Variants in EGFLAM observed in about 807,000 individuals in gnomAD.
The protein encoded by EGFLAM is pikachurin.
In EGFLAM, 79 loss-of-function variants were observed where a neutral mutation model predicts 113.1. The ratio of observed to expected loss-of-function variants is 0.70; its 90% CI spans 0.58 to 0.84. The LOEUF (loss-of-function observed/expected upper bound fraction) is 0.84. Ranked by LOEUF, EGFLAM falls within the 40% of genes least tolerant of loss-of-function variation. EGFLAM has a pLI of 0.00. For missense variants in EGFLAM, 1,265 were observed against 1,291.6 expected (o/e 0.98, Z 0.32); for synonymous variants, 504 against 487.6 (o/e 1.03, Z -0.44).
intron 3 of EGFLAM, among the ~76,000 whole-genome samples, chr5:38,347,847 A>C (rs560990157): frequency 6.6e-6 from 1 of 152,180 alleles, no homozygotes; most frequent in Non-Finnish European, 1.5e-5. Flanking sequence ...CAGGCAGTGC[A>C]GCATTGGTGG....
chr5:38,440,694 T>C (rs550397070), intron 17 of EGFLAM, among the ~76,000 whole-genome samples: 169 of 152,322 alleles, frequency 1.1e-3, no homozygotes, highest in African/African-American at 3.9e-3. Flanking sequence ...TTGGGGTTTT[T>C]TTCTGCCTCA....
At position 38,337,461 on chromosome 5, in the gene EGFLAM, A is replaced by C. The variant is rs1178327865; in HGVS notation, c.98-59A>C. On this transcript the variant is annotated intron_variant, in intron 1 of 21. Transcript: ENST00000322350. ...ATAATGCACTCTTAAATCTTGTGTA[A>C]GTATACTCAAGGTGGGATGTGTGGA... 3.5e-6 allele frequency: 5 copies of C among 1,408,754 alleles called. No homozygotes were observed. In the Admixed American group the frequency reaches 1.1e-4, roughly 31 times the overall value. 87.3% of individuals were successfully genotyped at this position (1,408,754 alleles called of 1,614,324 possible). A position where few individuals can be genotyped will look rare whatever the true frequency, so the allele number is the denominator to read the frequency against.
intron 19 of EGFLAM, among the ~76,000 whole-genome samples, chr5:38,454,552 CAGAG>C (rs1323525816): frequency 6.6e-6 from 1 of 152,194 alleles, no homozygotes; most frequent in African/African-American, 2.4e-5. Flanking sequence ...GCCTTTACCT[CAGAG>C]AGAGAACACG....
chr5:38,443,623 T>A (rs549347769), intron 17 of EGFLAM, among the ~76,000 whole-genome samples: 1 of 152,294 alleles, frequency 6.6e-6, no homozygotes, highest in South Asian at 2.1e-4. Flanking sequence ...TTGTGGGAAG[T>A]GTTTGCTCCG....
intron 5 of EGFLAM, among the ~76,000 whole-genome samples, chr5:38,353,816 G>A (rs1001635820): frequency 1.3e-5 from 2 of 152,176 alleles, no homozygotes; most frequent in Admixed American, 1.3e-4. Flanking sequence ...TTCCCATAGG[G>A]TGGCAAAATG....
intron 5 of EGFLAM, among the ~76,000 whole-genome samples, chr5:38,356,989 A>G (rs1345491619): frequency 6.6e-6 from 1 of 152,220 alleles, no homozygotes; most frequent in Admixed American, 6.5e-5. Flanking sequence ...GAATAAGATT[A>G]GTGCCATTAT....
chr5:38,391,384 T>TTGTGTGTGTGTGTGTG (rs758900897), intron 6 of EGFLAM, among the ~76,000 whole-genome samples: 87 of 98,020 alleles, frequency 8.9e-4, no homozygotes, highest in African/African-American at 3.1e-3. Context: ...TTTCTTTTCT[T>TTGTGTGTGTGTGTGTG]TGTGTGTGTG....
At chr5:38,443,220 C>T (rs2961878) in intron 17 of EGFLAM, among the ~76,000 whole-genome samples, 3 of 152,070 alleles carry the variant, frequency 2.0e-5, no homozygotes, top group East Asian at 1.9e-4. Flanking sequence ...AAGCCGAGAT[C>T]GTGCCACTGC....
intron 6 of EGFLAM, among the ~76,000 whole-genome samples, chr5:38,380,605 C>T (rs148988772): frequency 3.2e-4 from 49 of 152,278 alleles, no homozygotes; most frequent in African/African-American, 1.2e-3. Flanking sequence ...TTACTCATAG[C>T]CTAGACAAAC....
chr5:38,349,226 A>C (rs953648281), intron 3 of EGFLAM, among the ~76,000 whole-genome samples: 1 of 152,212 alleles, frequency 6.6e-6, no homozygotes, highest in Non-Finnish European at 1.5e-5. Context: ...GTTTTTAATA[A>C]ATACAATGTA....
chr5:38,272,976 A>T (rs1268582529), intron 1 of EGFLAM, among the ~76,000 whole-genome samples: 1 of 152,232 alleles, frequency 6.6e-6, no homozygotes, highest in Non-Finnish European at 1.5e-5. Flanking sequence ...TCCAGCAATC[A>T]TTCCCCTGCA....
chr5:38,370,246 C>T (rs1452671040), intron 5 of EGFLAM, 50 bp from the exon 6 acceptor site: 1 of 1,582,370 alleles, frequency 6.3e-7, no homozygotes, highest in Admixed American at 1.7e-5. Context: ...GCTTCCCTTC[C>T]CTCTGGTATT....
At chr5:38,264,180 C>A (rs1757573856) in intron 1 of EGFLAM, among the ~76,000 whole-genome samples, 1 of 152,126 alleles carries the variant, frequency 6.6e-6, no homozygotes, top group South Asian at 2.1e-4. Context: ...ACTAGGGGGG[C>A]TGGAGAACTG....
intron 6 of EGFLAM, among the ~76,000 whole-genome samples, chr5:38,383,056 C>G (rs77919445): frequency 6.6e-6 from 1 of 152,294 alleles, no homozygotes; most frequent in African/African-American, 2.4e-5. Context: ...CGAGCCCTTG[C>G]GACTCAGTCT....
chr5:38,318,562 G>C lies in EGFLAM; in HGVS notation c.98-18958G>C, dbSNP rs924861029. On this transcript the variant is annotated intron_variant, in intron 1 of 21. Transcript: ENST00000322350. ...TAAAATTATTCAAACACCAGAGGCT[G>C]GGTACAGTGGCTCATGCCTGTAATC... 1.6e-4 allele frequency among the ~76,000 whole-genome samples: 25 copies of C among 152,010 alleles called. No homozygotes were observed. In the East Asian group the frequency reaches 4.9e-3, roughly 30 times the overall value.
At chr5:38,344,223 C>T (rs141836901) in intron 3 of EGFLAM, among the ~76,000 whole-genome samples, 158 of 152,328 alleles carry the variant, frequency 1.0e-3, no homozygotes, top group African/African-American at 3.7e-3. Context: ...CGGTGGCCCA[C>T]GCCTGTAATC....
chr5:38,295,493 C>G (rs1465595996), intron 1 of EGFLAM, among the ~76,000 whole-genome samples: 1 of 152,120 alleles, frequency 6.6e-6, no homozygotes, highest in Non-Finnish European at 1.5e-5. Flanking sequence ...AAACAGAACA[C>G]CCCTTTTCCT....
rs756841307 is a variant in EGFLAM at position 38,353,962 on chromosome 5, G to A, written c.545+1631G>A. 5.1e-4 allele frequency among the ~76,000 whole-genome samples: 77 copies of A among 152,160 alleles called. 1 individual carries two copies. The highest frequency in any genetic ancestry group is 1.8e-4 in the Non-Finnish European group (12 of 68,038). On this transcript the variant is annotated intron_variant, in intron 5 of 21. Transcript: ENST00000322350. ...AAGTCTCTTTCCATCCTTTGCACAA[G>A]TCACTGTGACCCGAGTGGGAGAATT...
At chr5:38,296,068 A>G (rs1758446676) in intron 1 of EGFLAM, among the ~76,000 whole-genome samples, 1 of 152,160 alleles carries the variant, frequency 6.6e-6, no homozygotes, top group Non-Finnish European at 1.5e-5. Flanking sequence ...ATGTTTTAGA[A>G]ATGTTGCGGA....
Sources: allele counts gnomAD v4.1 joint callset (sites outside exome capture counted in the v4.1 genomes callset), GRCh38; gene constraint gnomAD v4.1.1; transcripts MANE v1.5; gene names NCBI Gene and HGNC (gene_info 2026-07-23, HGNC 2026-07-21).